The following MNAT1 variants were observed in gnomAD, a reference collection of about 807,000 sequenced individuals.
The protein encoded by MNAT1 is MNAT1 component of CDK activating kinase, also known as CDK-activating kinase assembly factor MAT1.
Under a neutral mutation model 42.0 loss-of-function variants are expected in MNAT1, and 43 were observed. That is an observed-to-expected ratio of 1.02 (90% CI 0.80 to 1.32). The LOEUF is 1.32. Ranked by LOEUF, MNAT1 falls within the 40% of genes most tolerant of loss-of-function variation. MNAT1 has a pLI of 0.00. For missense variants in MNAT1, 306 were observed against 350.4 expected (o/e 0.87, Z 1.01); for synonymous variants, 118 against 120.0 (o/e 0.98, Z 0.11).
intron 1 of MNAT1, among the ~76,000 whole-genome samples, chr14:60,790,824 A>T (rs4151198): frequency 0.014 from 2,106 of 152,312 alleles, 46 homozygotes; most frequent in African/African-American, 0.048. Flanking sequence ...AAGGAAAATA[A>T]TATCTACATC....
intron 1 of MNAT1, among the ~76,000 whole-genome samples, chr14:60,777,112 A>G (rs1419365993): frequency 3.3e-5 from 5 of 152,150 alleles, no homozygotes; most frequent in Non-Finnish European, 5.9e-5. Flanking sequence ...AGCCTCCTAA[A>G]GTCCTGGGAT....
rs4151196 is a variant in MNAT1 at position 60,790,556 on chromosome 14, T to C, written c.90-5661T>C. 4.7e-3 allele frequency among the ~76,000 whole-genome samples: 719 copies of C among 152,284 alleles called. 5 individuals are homozygous for C. The highest frequency in any genetic ancestry group is 0.016 in the African/African-American group (685 of 41,564). Reference sequence around the variant, plus strand: ...CAAACCGATGTACATCTTACACATATTGATTATTAATATAAAATGTATGTC... The same window carrying C: ...CAAACCGATGTACATCTTACACATACTGATTATTAATATAAAATGTATGTC... On this transcript the variant is annotated intron_variant, in intron 1 of 7. Transcript: ENST00000261245.
intron 7 of MNAT1, among the ~76,000 whole-genome samples, chr14:60,920,564 T>TGCCCACCTGTAATCATTACAGGC: frequency 6.6e-6 from 1 of 151,934 alleles, no homozygotes; most frequent in Non-Finnish European, 1.5e-5. Context: ...GGATTACAGG[T>TGCCCACCTGTAATCATTACAGGC]GCCCACCTGT....
At chr14:60,769,554 G>A (rs142525411) in intron 1 of MNAT1, among the ~76,000 whole-genome samples, 1 of 151,974 alleles carries the variant, frequency 6.6e-6, no homozygotes, top group Admixed American at 6.6e-5. Flanking sequence ...TAAGTGTTGC[G>A]ATTATAGGTG....
intron 6 of MNAT1, among the ~76,000 whole-genome samples, chr14:60,847,353 A>G (rs2033707754): frequency 6.6e-6 from 1 of 151,584 alleles, no homozygotes; most frequent in Non-Finnish European, 1.5e-5. Flanking sequence ...GCAGTGAGCC[A>G]AGATCGCACC....
chr14:60,939,492 C>G (rs1006551884), intron 7 of MNAT1, among the ~76,000 whole-genome samples: 3 of 152,134 alleles, frequency 2.0e-5, no homozygotes, highest in African/African-American at 7.2e-5. Context: ...GTTATGTACC[C>G]AGTAGTCATT....
intron 2 of MNAT1, among the ~76,000 whole-genome samples, chr14:60,796,925 GT>G (rs1468137979): frequency 2.0e-5 from 3 of 151,982 alleles, no homozygotes; most frequent in Non-Finnish European, 4.4e-5. Flanking sequence ...GTTAGCTATA[GT>G]TTATTTTGGT....
intron 7 of MNAT1, among the ~76,000 whole-genome samples, chr14:60,967,379 C>T (rs186283119): frequency 5.3e-5 from 8 of 152,256 alleles, no homozygotes; most frequent in Admixed American, 4.6e-4. Context: ...GGGTGAAGCT[C>T]CTTTACTTCC....
At chr14:60,806,020 C>G (rs1050683087) in intron 3 of MNAT1, among the ~76,000 whole-genome samples, 2 of 152,172 alleles carry the variant, frequency 1.3e-5, no homozygotes, top group African/African-American at 4.8e-5. Flanking sequence ...CCCTGTTGCT[C>G]CAGATCTGCA....
At chr14:60,858,255 A>T (rs1175007081) in intron 6 of MNAT1, among the ~76,000 whole-genome samples, 2 of 152,102 alleles carry the variant, frequency 1.3e-5, no homozygotes, top group Non-Finnish European at 2.9e-5. Flanking sequence ...TGACTTTTTA[A>T]TGATTGCCAT....
intron 6 of MNAT1, among the ~76,000 whole-genome samples, chr14:60,846,921 T>C (rs2033696822): frequency 6.6e-6 from 1 of 152,234 alleles, no homozygotes; most frequent in Admixed American, 6.5e-5. Flanking sequence ...GTCTATCAAT[T>C]ATTGAGTGGA....
Position 60,968,229 on chromosome 14 carries a change from G to T in MNAT1, c.810G>T (p.Gly270=). The T allele has an allele frequency of 6.2e-7, 1 of 1,606,666 alleles. No homozygotes were observed. The highest frequency in any genetic ancestry group is 8.5e-7 in the Non-Finnish European group (1 of 1,176,684). The change falls in exon 8 of 8, where the codon GGG becomes GGT. Residue 270 remains glycine, a splice_region_variant and synonymous_variant. Coordinates refer to ENST00000261245, the MANE Select transcript of MNAT1 (RefSeq NM_002431.4). ...VPELEMLGRL[G]YLNHVRAASP... Reference sequence around the variant, plus strand: ...TGCTACACTTCTTGTTTTGTTTTAGGTATTTAAACCATGTCAGAGCTGCCT... The same window carrying T: ...TGCTACACTTCTTGTTTTGTTTTAGTTATTTAAACCATGTCAGAGCTGCCT...
intron 6 of MNAT1, among the ~76,000 whole-genome samples, chr14:60,849,115 T>G (rs2033754719): frequency 6.6e-6 from 1 of 152,232 alleles, no homozygotes; most frequent in Non-Finnish European, 1.5e-5. Flanking sequence ...AGAAATTTCT[T>G]AAACAGTGTT....
intron 1 of MNAT1, among the ~76,000 whole-genome samples, chr14:60,766,666 C>T (rs189737279): frequency 1.4e-3 from 209 of 150,340 alleles, no homozygotes; most frequent in Admixed American, 2.7e-3. Flanking sequence ...GAGCTGATCG[C>T]GCCACTGCAC....
chr14:60,768,370 C>A (rs1031510410), intron 1 of MNAT1, among the ~76,000 whole-genome samples: 1 of 152,148 alleles, frequency 6.6e-6, no homozygotes, highest in Non-Finnish European at 1.5e-5. Context: ...ATAACTTTCT[C>A]CCTGGTTGAC....
chr14:60,785,270 C>G (rs2031611791), intron 1 of MNAT1, among the ~76,000 whole-genome samples: 1 of 151,984 alleles, frequency 6.6e-6, no homozygotes, highest in Non-Finnish European at 1.5e-5. Context: ...TTCCATTTCC[C>G]CCTCTTTATT....
At chr14:60,820,032 A>G (rs933415792) in intron 6 of MNAT1, among the ~76,000 whole-genome samples, 2 of 152,132 alleles carry the variant, frequency 1.3e-5, no homozygotes, top group African/African-American at 2.4e-5. Flanking sequence ...ATTTTTATAC[A>G]TAGTTTTAAA....
At chr14:60,835,126 T>C (rs1408357483) in intron 6 of MNAT1, among the ~76,000 whole-genome samples, 2 of 152,036 alleles carry the variant, frequency 1.3e-5, no homozygotes, top group Non-Finnish European at 2.9e-5. Flanking sequence ...TATCCCTTTA[T>C]TTTGAGCCTG....
intron 1 of MNAT1, among the ~76,000 whole-genome samples, chr14:60,776,747 G>T (rs2031266874): frequency 6.6e-6 from 1 of 152,188 alleles, no homozygotes; most frequent in African/African-American, 2.4e-5. Context: ...GAGGACATGA[G>T]AATACAGTGA....
Sources: gnomAD v4.1 joint callset for allele counts (sites outside exome capture counted in the v4.1 genomes callset) on GRCh38, gnomAD v4.1.1 for gene constraint, MANE v1.5 for transcripts, NCBI Gene and HGNC (gene_info 2026-07-23, HGNC 2026-07-21) for gene names.